RAB14: variants seen among roughly 807,000 people sequenced by gnomAD.
The protein encoded by RAB14 is RAB14, member RAS oncogene family.
RAB14 carries 3 observed loss-of-function variants against 31.1 expected under a neutral mutation model. The observed-to-expected ratio is 0.10, with a 90% confidence interval of 0.04 to 0.25. The LOEUF (loss-of-function observed/expected upper bound fraction) is 0.25. Among genes scored for constraint, RAB14 ranks in the 10% least tolerant of loss-of-function variants. The probability of loss-of-function intolerance (pLI) is 1.00; values close to 1 mark genes in which losing one functional copy is unlikely to be tolerated. For missense variants in RAB14, 111 were observed against 260.1 expected, an observed-to-expected ratio of 0.43 and a Z score of 3.94; for synonymous variants, 85 against 84.9, an observed-to-expected ratio of 1.00 and a Z score of 0.00.
In RAB14 at chr9:121,193,422, A is replaced by G. The variant is rs750354039; in HGVS notation, c.-7-3T>C. Reference sequence around the variant, plus strand: ...ATGGTGCAGTTGCCATGGTGGCACTAAAAACAAAGAAATCTCTGTTACTTC... The same window carrying G: ...ATGGTGCAGTTGCCATGGTGGCACTGAAAACAAAGAAATCTCTGTTACTTC... On this transcript the variant is annotated splice_polypyrimidine_tract_variant and splice_region_variant and intron_variant, in intron 1 of 7. Coordinates refer to ENST00000373840, the MANE Select transcript of RAB14 (RefSeq NM_016322.4). 6.4e-7 allele frequency: 1 copy of G among 1,560,980 alleles called. No individual in the cohort carries two copies. Among genetic ancestry groups the G allele is most frequent in the Non-Finnish European group, 8.7e-7 (1 of 1,152,278 alleles).
intron 1 of RAB14, among the ~76,000 whole-genome samples, chr9:121,197,218 C>A (rs2053722775): frequency 6.6e-6 from 1 of 152,152 alleles, no homozygotes; most frequent in Non-Finnish European, 1.5e-5. Flanking sequence ...TAAACACTAA[C>A]AACTGTGCCA....
At chr9:121,192,248 A>G (rs1265454535) in intron 2 of RAB14, 24 bp from the exon 3 acceptor site, 6 of 1,557,746 alleles carry the variant, frequency 3.9e-6, no homozygotes, top group Non-Finnish European at 3.5e-6. Context: ...AAGAAGTTTC[A>G]GGTGGCAATT....
intron 1 of RAB14, among the ~76,000 whole-genome samples, chr9:121,198,901 C>T (rs1476763539): frequency 6.6e-6 from 1 of 150,606 alleles, no homozygotes; most frequent in African/African-American, 2.4e-5. Context: ...AATGAGTGGT[C>T]AATTTCCTCA....
At chr9:121,195,215 GATT>G (rs2053708890) in intron 1 of RAB14, among the ~76,000 whole-genome samples, 1 of 152,052 alleles carries the variant, frequency 6.6e-6, no homozygotes, top group Non-Finnish European at 1.5e-5. Flanking sequence ...AATATTTAAA[GATT>G]ATTAACTTCT....
intron 1 of RAB14, 92 bp from the exon 2 acceptor site, chr9:121,193,511 C>A (rs1012128325): frequency 7.6e-5 from 60 of 794,466 alleles, no homozygotes; most frequent in Non-Finnish European, 1.2e-4. Context: ...TAGAAAAGGA[C>A]ACTGAATACA....
At chr9:121,182,715 A>C (rs988414219) in intron 7 of RAB14, among the ~76,000 whole-genome samples, 1 of 152,254 alleles carries the variant, frequency 6.6e-6, no homozygotes, top group Non-Finnish European at 1.5e-5. Context: ...CAACAGGCAT[A>C]ATCAAGGTAC....
chr9:121,201,501 A>G (rs1300231614), intron 1 of RAB14, 138 bp downstream of exon 1: 1 of 152,330 alleles, frequency 6.6e-6, no homozygotes, highest in Non-Finnish European at 1.5e-5. Context: ...CCCACGGGCT[A>G]GCCACGGCCT....
chr9:121,194,094 T>TCACACACACACACACA (rs56303323), intron 1 of RAB14, among the ~76,000 whole-genome samples: 3 of 138,948 alleles, frequency 2.2e-5, no homozygotes, highest in East Asian at 2.1e-4. Flanking sequence ...AGATTATCAC[T>TCACACACACACACACA]CACACACACA....
chr9:121,178,570 C>T lies in RAB14; in HGVS notation c.*2826G>A, dbSNP rs1296602727. ...AAGACACATGGGCAAAAAAGTTCCC[C>T]AAAACTACTGTCTTACCGAATTTGA... On this transcript the variant is annotated 3_prime_UTR_variant, in exon 8 of 8. Transcript: ENST00000373840. 6.6e-6 allele frequency: 1 copy of T among 152,428 alleles called. No individual in the cohort carries two copies. The highest frequency in any genetic ancestry group is 1.5e-5 in the Non-Finnish European group (1 of 68,008). The allele number at this position is 152,428 out of a possible 1,614,324, so 9.4% of individuals were successfully genotyped here. A position where few individuals can be genotyped will look rare whatever the true frequency, so the allele number is the denominator to read the frequency against.
chr9:121,198,992 A>G (rs1456866971), intron 1 of RAB14, among the ~76,000 whole-genome samples: 2 of 152,216 alleles, frequency 1.3e-5, no homozygotes, highest in African/African-American at 4.8e-5. Context: ...TATATAAATA[A>G]TGTGAATCAT....
In RAB14 at chr9:121,193,088, G is replaced by A. The variant is rs1034931294; in HGVS notation, c.52+273C>T. On this transcript the variant is annotated intron_variant, in intron 2 of 7. Transcript: ENST00000373840. ...ATGTTTCTGCACTCCTTGAAACACT[G>A]ATACTTCCTAGCATCAAAAAGCTTT... 2.0e-5 allele frequency among the ~76,000 whole-genome samples: 3 copies of A among 152,080 alleles called. No homozygotes were observed. In the South Asian group the frequency reaches 6.2e-4, roughly 31 times the overall value.
chr9:121,190,442 G>A, intron 4 of RAB14, 112 bp downstream of exon 4: 2 of 965,534 alleles, frequency 2.1e-6, no homozygotes, highest in African/African-American at 1.7e-5. Flanking sequence ...AAACAAGTAA[G>A]TTCATTCACA....
At chr9:121,197,200 A>C in intron 1 of RAB14, among the ~76,000 whole-genome samples, 1 of 152,226 alleles carries the variant, frequency 6.6e-6, no homozygotes, top group East Asian at 1.9e-4. Flanking sequence ...TATTTACTAA[A>C]TGCATAGTAA....
At chr9:121,184,265 G>A (rs761499475) in intron 5 of RAB14, among the ~76,000 whole-genome samples, 23 of 152,180 alleles carry the variant, frequency 1.5e-4, no homozygotes, top group Non-Finnish European at 2.5e-4. Flanking sequence ...CACGTATGCA[G>A]TAAGTTCAAA....
In RAB14 at chr9:121,178,252, T is replaced by C. The variant is rs1367419708; in HGVS notation, c.*3144A>G. ...AAAGTGACAATTTATTAATACACAG[T>C]AAGTTCTAGAAGGCATCTTTCAAAA... On this transcript the variant is annotated 3_prime_UTR_variant, in exon 8 of 8. Coordinates refer to ENST00000373840, the MANE Select transcript of RAB14 (RefSeq NM_016322.4). 1 of 129,732 alleles carries C rather than the reference T, an allele frequency of 7.7e-6. No individual in the cohort carries two copies. Among genetic ancestry groups the C allele is most frequent in the Non-Finnish European group, 1.5e-5 (1 of 65,950 alleles). 8.0% of individuals were successfully genotyped at this position (129,732 alleles called of 1,614,324 possible).
chr9:121,185,887 G>A (rs919030098), intron 5 of RAB14, among the ~76,000 whole-genome samples: 2 of 152,112 alleles, frequency 1.3e-5, no homozygotes, highest in Non-Finnish European at 2.9e-5. Flanking sequence ...ATCTATAGGT[G>A]TGTATGTAAA....
At chr9:121,190,517 A>AT in intron 4 of RAB14, 37 bp downstream of exon 4, 1 of 1,519,582 alleles carries the variant, frequency 6.6e-7, no homozygotes, top group Non-Finnish European at 8.9e-7. Context: ...AAGTAGATTT[A>AT]TTTTCCCCAT....
At chr9:121,182,477 C>G in intron 7 of RAB14, among the ~76,000 whole-genome samples, 1 of 152,172 alleles carries the variant, frequency 6.6e-6, no homozygotes. Context: ...AGTTCAATAG[C>G]AGACATGGAA....
At chr9:121,185,319 G>A (rs909969203) in intron 5 of RAB14, among the ~76,000 whole-genome samples, 5 of 152,088 alleles carry the variant, frequency 3.3e-5, no homozygotes, top group African/African-American at 1.2e-4. Flanking sequence ...CTAATGGTAG[G>A]ATGTTATGTA....
Sources: gnomAD v4.1 joint callset for allele counts (sites outside exome capture counted in the v4.1 genomes callset) on GRCh38, gnomAD v4.1.1 for gene constraint, MANE v1.5 for transcripts, NCBI Gene and HGNC (gene_info 2026-07-23, HGNC 2026-07-21) for gene names.